SNX6: variants seen among roughly 807,000 people sequenced by gnomAD.
The protein encoded by SNX6 is sorting nexin 6, also known as sorting nexin-6.
SNX6 carries 34 observed loss-of-function variants against 63.0 expected under a neutral mutation model. The observed-to-expected ratio is 0.54, with a 90% confidence interval of 0.41 to 0.72. The LOEUF (loss-of-function observed/expected upper bound fraction) is 0.72. Ranked by LOEUF, SNX6 falls within the 30% of genes least tolerant of loss-of-function variation. The pLI is 0.00. For missense variants in SNX6, 398 were observed against 471.4 expected (o/e 0.84, Z 1.44); for synonymous variants, 170 against 164.2 (o/e 1.04, Z -0.27).
At chr14:34,582,369 T>C (rs1339689919) in intron 9 of SNX6, among the ~76,000 whole-genome samples, 1 of 151,972 alleles carries the variant, frequency 6.6e-6, no homozygotes, top group Non-Finnish European at 1.5e-5. Flanking sequence ...TGCACACCTG[T>C]AGTCCCAGCT....
intron 13 of SNX6, 26 bp downstream of exon 13, chr14:34,567,660 T>C (rs754048194): frequency 6.4e-7 from 1 of 1,552,640 alleles, no homozygotes; most frequent in East Asian, 2.3e-5. Context: ...GTAACTTAAA[T>C]TATTAAATCT....
intron 2 of SNX6, 54 bp from the exon 3 acceptor site, chr14:34,609,796 T>G (rs1185174975): frequency 1.0e-5 from 13 of 1,265,674 alleles, no homozygotes; most frequent in Non-Finnish European, 1.5e-5. Context: ...ATAATTTCAT[T>G]TTTTCTCTTA....
chr14:34,610,991 GTA>G (rs945942472), intron 2 of SNX6, among the ~76,000 whole-genome samples: 8 of 151,180 alleles, frequency 5.3e-5, no homozygotes, highest in African/African-American at 7.3e-5. Flanking sequence ...GTGTGTGTGT[GTA>G]TATATATATA....
chr14:34,562,158 G>A lies in SNX6; in HGVS notation c.*964C>T, dbSNP rs568625565. ...CTATCCACTCGCATAACTACTAAGT[G>A]GCTCAATGGCCTATGTCTCATGCTT... On this transcript the variant is annotated 3_prime_UTR_variant, in exon 14 of 14. Coordinates refer to ENST00000362031, the MANE Select transcript of SNX6 (RefSeq NM_152233.4). 3.3e-5 allele frequency: 5 copies of A among 150,356 alleles called. No individual in the cohort carries two copies. In the South Asian group the frequency reaches 8.4e-4, roughly 25 times the overall value. 9.3% of individuals were successfully genotyped at this position (150,356 alleles called of 1,614,324 possible).
chr14:34,569,939 C>T (rs764113301), intron 11 of SNX6, among the ~76,000 whole-genome samples: 1 of 152,186 alleles, frequency 6.6e-6, no homozygotes, highest in Non-Finnish European at 1.5e-5. Context: ...CTACATCAAA[C>T]CTTTGAGTAA....
intron 11 of SNX6, chr14:34,568,972 C>A: frequency 7.0e-7 from 1 of 1,421,524 alleles, no homozygotes; most frequent in East Asian, 2.3e-5. Context: ...CGTGTACAAC[C>A]AGTTCTCATC....
intron 2 of SNX6, among the ~76,000 whole-genome samples, chr14:34,624,141 C>T (rs1883733927): frequency 6.6e-6 from 1 of 152,104 alleles, no homozygotes; most frequent in African/African-American, 2.4e-5. Context: ...GCTCTTGTCG[C>T]CCAGGCTGGA....
intron 2 of SNX6, chr14:34,629,328 G>T (rs1306544368): frequency 5.7e-6 from 2 of 352,766 alleles, no homozygotes; most frequent in Non-Finnish European, 1.1e-5. Context: ...CCAAAGACAG[G>T]ATTTGTTGGA....
At position 34,609,744 on chromosome 14, in the gene SNX6, TAGAAAA is replaced by T; in HGVS notation, c.55-8_55-3del. 6.3e-7 allele frequency: 1 copy of T among 1,589,324 alleles called. No homozygotes were observed. Among genetic ancestry groups the T allele is most frequent in the South Asian group, 1.1e-5 (1 of 88,700 alleles). Reference sequence around the variant, plus strand: ...AAGATCTACATTTATTGCTTTAAGCTAGAAAAAGAAAACCAGTATCTTCATGAAAAT... The same window carrying T: ...AAGATCTACATTTATTGCTTTAAGCTAGAAAACCAGTATCTTCATGAAAAT... On this transcript the variant is annotated splice_region_variant and splice_polypyrimidine_tract_variant and intron_variant, in intron 2 of 13. Transcript: ENST00000362031.
chr14:34,588,706 T>C (rs1013462527), intron 8 of SNX6, among the ~76,000 whole-genome samples: 6 of 152,204 alleles, frequency 3.9e-5, no homozygotes, highest in African/African-American at 1.4e-4. Context: ...TATTAATGTA[T>C]CAGAAGGATC....
chr14:34,623,762 ACAAAGG>A (rs1883716842), intron 2 of SNX6, among the ~76,000 whole-genome samples: 1 of 152,220 alleles, frequency 6.6e-6, no homozygotes, highest in Admixed American at 6.6e-5. Flanking sequence ...GATAAGGAAT[ACAAAGG>A]TAGGAGCAAG....
chr14:34,609,118 T>C (rs1422701124), intron 3 of SNX6, among the ~76,000 whole-genome samples: 1 of 152,072 alleles, frequency 6.6e-6, no homozygotes, highest in Non-Finnish European at 1.5e-5. Context: ...TGGTAAAAGA[T>C]ACTAATAAAA....
chr14:34,609,794 A>C (rs1336117018), intron 2 of SNX6, 52 bp from the exon 3 acceptor site: 1 of 1,273,600 alleles, frequency 7.9e-7, no homozygotes, highest in African/African-American at 1.5e-5. Flanking sequence ...ATATAATTTC[A>C]TTTTTTCTCT....
intron 2 of SNX6, among the ~76,000 whole-genome samples, chr14:34,610,670 T>C (rs893018148): frequency 6.6e-6 from 1 of 152,196 alleles, no homozygotes; most frequent in Non-Finnish European, 1.5e-5. Context: ...GTGCTTCTAC[T>C]TTCTCATCTA....
At chr14:34,613,212 T>C (rs1424713495) in intron 2 of SNX6, among the ~76,000 whole-genome samples, 1 of 152,188 alleles carries the variant, frequency 6.6e-6, no homozygotes, top group African/African-American at 2.4e-5. Context: ...CCCTAGAGCC[T>C]CCGGAGGGAG....
At chr14:34,621,659 A>G (rs1016365677) in intron 2 of SNX6, among the ~76,000 whole-genome samples, 1 of 152,166 alleles carries the variant, frequency 6.6e-6, no homozygotes, top group Non-Finnish European at 1.5e-5. Context: ...CTTATGACCT[A>G]ACCTCTAACC....
chr14:34,573,990 T>C (rs1881571489), intron 11 of SNX6, among the ~76,000 whole-genome samples: 2 of 152,040 alleles, frequency 1.3e-5, no homozygotes, highest in Non-Finnish European at 2.9e-5. Context: ...AAAAAGCGTA[T>C]TTTTGTTTTA....
intron 6 of SNX6, among the ~76,000 whole-genome samples, chr14:34,600,727 C>G (rs967336056): frequency 6.6e-6 from 1 of 152,076 alleles, no homozygotes; most frequent in Non-Finnish European, 1.5e-5. Context: ...GCACTATGAA[C>G]GAAGAAATCT....
chr14:34,587,220 T>C (rs1882201635), intron 8 of SNX6, among the ~76,000 whole-genome samples: 1 of 151,646 alleles, frequency 6.6e-6, no homozygotes, highest in Non-Finnish European at 1.5e-5. Flanking sequence ...CAAAGAACAA[T>C]TTGAAATTGA....
Sources: allele counts gnomAD v4.1 joint callset (sites outside exome capture counted in the v4.1 genomes callset), GRCh38; gene constraint gnomAD v4.1.1; transcripts MANE v1.5; gene names NCBI Gene and HGNC (gene_info 2026-07-23, HGNC 2026-07-21).